The following FAM81A variants were observed in gnomAD, a reference collection of about 807,000 sequenced individuals.
FAM81A encodes family with sequence similarity 81 member A.
In FAM81A, 19 loss-of-function variants were observed where a neutral mutation model predicts 46.7. That is an observed-to-expected ratio of 0.41 (90% CI 0.28 to 0.60). The LOEUF (loss-of-function observed/expected upper bound fraction) is 0.60, where lower values mean the gene tolerates loss of function less well. Ranked by LOEUF, FAM81A falls within the 20% of genes least tolerant of loss-of-function variation. FAM81A has a pLI of 0.34. For synonymous variants in FAM81A, 183 were observed against 152.9 expected, an observed-to-expected ratio of 1.20 and a Z score of -1.45; for missense variants, 377 against 453.5, an observed-to-expected ratio of 0.83 and a Z score of 1.53.
chr15:59,422,504 T>C (rs948478509), intron 2 of FAM81A, among the ~76,000 whole-genome samples: 2 of 151,994 alleles, frequency 1.3e-5, no homozygotes, highest in African/African-American at 4.8e-5. Flanking sequence ...TGAGGTGGAG[T>C]CTCGCTCTGT....
At chr15:59,484,339 C>T (rs2081891372) in intron 3 of FAM81A, among the ~76,000 whole-genome samples, 1 of 152,144 alleles carries the variant, frequency 6.6e-6, no homozygotes, top group African/African-American at 2.4e-5. Context: ...ATTGTCCTCC[C>T]CACATGAACA....
chr15:59,399,717 C>A (rs770541060), intron 1 of FAM81A, among the ~76,000 whole-genome samples: 1 of 152,074 alleles, frequency 6.6e-6, no homozygotes, highest in Non-Finnish European at 1.5e-5. Context: ...TCTCCCTATG[C>A]GAGGCGCTGG....
intron 3 of FAM81A, among the ~76,000 whole-genome samples, chr15:59,473,438 CTATCTGCAGT>C (rs1596502351): frequency 1.3e-5 from 2 of 152,196 alleles, no homozygotes; most frequent in East Asian, 3.8e-4. Flanking sequence ...GGGTTTGGTA[CTATCTGCAGT>C]GTCAGGCATC....
At chr15:59,501,908 GCTGT>G (rs1211882349) in intron 4 of FAM81A, among the ~76,000 whole-genome samples, 6 of 152,176 alleles carry the variant, frequency 3.9e-5, no homozygotes, top group African/African-American at 1.4e-4. Context: ...GAGCCCTGAG[GCTGT>G]CTTTTATGAG....
Position 59,422,903 on chromosome 15 carries a change from T to C in FAM81A, c.-78+20545T>C, listed in dbSNP as rs184923567. ...ATTGAATTCACAAGTTAATTTAAGT[T>C]TTAAATGGTAAATTTCTTAACTGTA... On this transcript the variant is annotated intron_variant, in intron 2 of 4. Coordinates refer to the FAM81A transcript ENST00000558348. 2.1e-4 allele frequency among the ~76,000 whole-genome samples: 32 copies of C among 152,364 alleles called. No homozygotes were observed. In the East Asian group the frequency reaches 6.0e-3, roughly 28 times the overall value.
In FAM81A at chr15:59,522,944, A is replaced by G. The variant is rs1463183499; in HGVS notation, c.*1566A>G. 1 of 152,534 alleles carries G rather than the reference A, an allele frequency of 6.6e-6. No individual in the cohort carries two copies. The highest frequency in any genetic ancestry group is 1.9e-4 in the East Asian group (1 of 5,198). 9.4% of individuals were successfully genotyped at this position (152,534 alleles called of 1,614,324 possible). A position where few individuals can be genotyped will look rare whatever the true frequency, so the allele number is the denominator to read the frequency against. ...CCAACACATATTTTCTTATTTTGCC[A>G]CAAATTTCCACTTAACAAATAAAAA... On this transcript the variant is annotated 3_prime_UTR_variant, in exon 9 of 9. Transcript: ENST00000288228.
chr15:59,426,774 C>G (rs1197419928), intron 2 of FAM81A, among the ~76,000 whole-genome samples: 1 of 152,228 alleles, frequency 6.6e-6, no homozygotes, highest in African/African-American at 2.4e-5. Flanking sequence ...CGACATACCT[C>G]TGCCACATAC....
chr15:59,421,168 T>C (rs1567038931), intron 2 of FAM81A, among the ~76,000 whole-genome samples: 1 of 152,222 alleles, frequency 6.6e-6, no homozygotes, highest in Non-Finnish European at 1.5e-5. Flanking sequence ...TTGGGACCCT[T>C]GAACTCTGCA....
intron 2 of FAM81A, among the ~76,000 whole-genome samples, chr15:59,418,930 A>G (rs898487089): frequency 6.6e-6 from 1 of 152,298 alleles, no homozygotes; most frequent in African/African-American, 2.4e-5. Context: ...TAATATTGTC[A>G]TCATTATCCT....
At position 59,469,163 on chromosome 15, in the gene FAM81A, G is replaced by C. The variant is rs377157924; in HGVS notation, c.294+8957G>C. The stretch of plus-strand genomic sequence containing the variant: ...TCAATTTTAGAATAAGTGTGATGTG[G>C]TGCTGAGAAGAATGTATATTCTGTT... On this transcript the variant is annotated intron_variant, in intron 3 of 8. Coordinates refer to ENST00000288228, the MANE Select transcript of FAM81A (RefSeq NM_152450.3). Among the ~76,000 whole-genome samples, 64 of 152,298 alleles carry C rather than the reference G, an allele frequency of 4.2e-4. 2 individuals carry two copies. In the South Asian group the frequency reaches 0.013, roughly 31 times the overall value.
chr15:59,408,033 A>G (rs1176990271), intron 2 of FAM81A: 9 of 167,028 alleles, frequency 5.4e-5, no homozygotes, highest in South Asian at 4.5e-4. Context: ...GTGCTGTCCA[A>G]TGCCAAGATT....
At chr15:59,516,962 GTTGAT>G in intron 8 of FAM81A, 122 bp downstream of exon 8, 1 of 947,332 alleles carries the variant, frequency 1.1e-6, no homozygotes, top group Non-Finnish European at 1.5e-6. Flanking sequence ...AATATCCTTA[GTTGAT>G]TTTCTGAGTA....
chr15:59,497,415 C>T (rs2082045957), intron 4 of FAM81A, among the ~76,000 whole-genome samples: 1 of 151,876 alleles, frequency 6.6e-6, no homozygotes, highest in Admixed American at 6.6e-5. Context: ...CACTGCACTC[C>T]AGCCTGGGCA....
intron 2 of FAM81A, among the ~76,000 whole-genome samples, chr15:59,420,294 G>C (rs2081166181): frequency 6.6e-6 from 1 of 152,210 alleles, no homozygotes; most frequent in Non-Finnish European, 1.5e-5. Context: ...TTTAGTCACT[G>C]TGTCCCCAGC....
At chr15:59,421,375 A>G (rs983854618) in intron 2 of FAM81A, among the ~76,000 whole-genome samples, 2 of 152,184 alleles carry the variant, frequency 1.3e-5, no homozygotes, top group African/African-American at 4.8e-5. Context: ...CTTTAAAGGC[A>G]GGACAACCTG....
chr15:59,409,999 A>G (rs2081113338), intron 2 of FAM81A, among the ~76,000 whole-genome samples: 4 of 152,154 alleles, frequency 2.6e-5, no homozygotes, highest in Admixed American at 1.3e-4. Flanking sequence ...CTATTATTAT[A>G]ATATAGAAAT....
At chr15:59,449,034 T>G (rs1216294295) in intron 1 of FAM81A, among the ~76,000 whole-genome samples, 3 of 152,244 alleles carry the variant, frequency 2.0e-5, no homozygotes, top group Non-Finnish European at 4.4e-5. Flanking sequence ...GTTGGACATT[T>G]ATCCAATAGC....
chr15:59,472,311 A>G (rs1224378231), intron 3 of FAM81A, among the ~76,000 whole-genome samples: 1 of 152,000 alleles, frequency 6.6e-6, no homozygotes, highest in Non-Finnish European at 1.5e-5. Flanking sequence ...GTACTCCAGC[A>G]TGGGTAACAG....
chr15:59,421,725 G>GTCTATCTA (rs1225607720), intron 2 of FAM81A, among the ~76,000 whole-genome samples: 24 of 137,418 alleles, frequency 1.7e-4, no homozygotes, highest in African/African-American at 5.1e-4. Flanking sequence ...CTGTCTGTCT[G>GTCTATCTA]TCTGTCTATC....
Sources: gnomAD v4.1 joint callset for allele counts (sites outside exome capture counted in the v4.1 genomes callset) on GRCh38, gnomAD v4.1.1 for gene constraint, MANE v1.5 for transcripts, NCBI Gene and HGNC (gene_info 2026-07-23, HGNC 2026-07-21) for gene names.